Variants in KLK11 observed in about 807,000 individuals in gnomAD.
KLK11 encodes kallikrein-11.
In KLK11, 10 loss-of-function variants were observed where a neutral mutation model predicts 23.4. The observed-to-expected ratio is 0.43, with a 90% CI of 0.26 to 0.73. KLK11 has a LOEUF of 0.73. KLK11 is among the 30% of genes least tolerant of loss of function. The pLI is 0.22. For synonymous variants in KLK11, 131 were observed against 131.7 expected, an observed-to-expected ratio of 0.99 and a Z score of 0.03; for missense variants, 285 against 327.8, an observed-to-expected ratio of 0.87 and a Z score of 1.01.
In KLK11 at chr19:51,024,448, C is replaced by G. The variant is rs1220059981; in HGVS notation, c.198-138G>C. The G allele has an allele frequency of 7.1e-7, 1 of 1,406,558 alleles. No individual in the cohort carries two copies. The allele number at this position is 1,406,558 out of a possible 1,614,324, so 87.1% of individuals were successfully genotyped here. On this transcript the variant is annotated intron_variant, in intron 3 of 5. Coordinates refer to ENST00000453757, the MANE Select transcript of KLK11 (RefSeq NM_001136032.3). This position sits in a 1 kb window ranked among gnomAD's most constrained non-coding sequence, Gnocchi z 6.2. ...CACGTCTCCCACCGAAGCCCCCTTC[C>G]CAGCCATAGCCCCATCCCAACCCCA...
Position 51,025,174 on chromosome 19 carries a change from CT to C in KLK11, c.41-381del, listed in dbSNP as rs2122550830. Reference sequence around the variant, plus strand: ...CCAGCTACCGGGGAAGCTGAGATGGCTTAAGGATCACTTAAGCCCGGGAAGT... The same window carrying C: ...CCAGCTACCGGGGAAGCTGAGATGGCTAAGGATCACTTAAGCCCGGGAAGT... On this transcript the variant is annotated intron_variant, in intron 2 of 5. Transcript: ENST00000453757. This position sits in a 1 kb window ranked among gnomAD's most constrained non-coding sequence, Gnocchi z 6.2. Among the ~76,000 whole-genome samples, 1 of 152,010 alleles carries C rather than the reference CT, an allele frequency of 6.6e-6. No homozygotes were observed. The highest frequency in any genetic ancestry group is 2.1e-4 in the South Asian group (1 of 4,814).
upstream of KLK11, chr19:51,027,349 G>T: frequency 2.7e-6 from 3 of 1,127,806 alleles, no homozygotes; most frequent in South Asian, 1.3e-5. Flanking sequence ...CAGAGCCCTT[G>T]GCTGTGCTCC....
In KLK11 at chr19:51,022,690, G is replaced by T; in HGVS notation, c.608C>A (p.Ser203Tyr). 1 of 1,612,952 alleles carries T rather than the reference G, an allele frequency of 6.2e-7. No homozygotes were observed. The highest frequency in any genetic ancestry group is 8.5e-7 in the Non-Finnish European group (1 of 1,180,034). Residue 203 changes from serine to tyrosine, a missense_variant, in exon 6 of 6, where the codon TCC becomes TAC. Coordinates refer to ENST00000453757, the MANE Select transcript of KLK11 (RefSeq NM_001136032.3). ...EGGKDSCQGD[S>Y]GGPLVCNQSL... ...CTGGTTACAGACCAGAGGGCCCCCG[G>T]AGTCACCCTGGGCACGGGGAGAGAG...
At position 51,022,572 on chromosome 19, in the gene KLK11, C is replaced by A. The variant is rs1357070500; in HGVS notation, c.726G>T (p.Trp242Cys). 1 of 1,614,128 alleles carries A rather than the reference C, an allele frequency of 6.2e-7. No individual in the cohort carries two copies. The highest frequency in any genetic ancestry group is 1.1e-5 in the South Asian group (1 of 91,068). ...VYTKVCKYVD[W>C]IQETMKNN ...AATTGTTCTTCATCGTCTCCTGGAT[C>A]CAGTCCACATATTTGCAGACTTTCG... Residue 242 changes from tryptophan to cysteine, a missense_variant, in exon 6 of 6, where the codon TGG becomes TGT. Physicochemically the swap from Trp to Cys is radical, Grantham distance 215. Transcript: ENST00000453757.
At position 51,024,094 on chromosome 19, in the gene KLK11, A is replaced by G; in HGVS notation, c.414T>C (p.Ala138=). ...PLTLSSRCVT[A]GTSCLISGWG... ...AGCCGGAAATGAGGCAGCTGGTGCC[A>G]GCAGTGACACAGCGTGAGGAGAGGG... is the stretch of plus-strand genomic sequence containing the variant. The change falls in exon 4 of 6, where the codon GCT becomes GCC. Residue 138 remains alanine (A), a synonymous_variant. Coordinates refer to ENST00000453757, the MANE Select transcript of KLK11 (RefSeq NM_001136032.3). This position sits in a 1 kb window ranked among gnomAD's most constrained non-coding sequence, Gnocchi z 6.2. The G allele has an allele frequency of 1.3e-6, 2 of 1,572,844 alleles. No homozygotes were observed. The highest frequency in any genetic ancestry group is 1.7e-6 in the Non-Finnish European group (2 of 1,154,026).
chr19:51,022,383 G>A lies in KLK11; in HGVS notation c.*162C>T, dbSNP rs1344714734. The A allele has an allele frequency of 6.5e-6, 5 of 771,758 alleles. No individual in the cohort carries two copies. Among genetic ancestry groups the A allele is most frequent in the South Asian group, 5.0e-5 (3 of 59,506 alleles). The allele number at this position is 771,758 out of a possible 1,614,324, so 47.8% of individuals were successfully genotyped here. A position where few individuals can be genotyped will look rare whatever the true frequency, so the allele number is the denominator to read the frequency against. On this transcript the variant is annotated 3_prime_UTR_variant, in exon 6 of 6. Transcript: ENST00000453757. The stretch of plus-strand genomic sequence containing the variant: ...TTTGAATCCAGGTCTCACTGATTTC[G>A]AACCCCAGGTTGATTATTAAGTGAC...
At position 51,024,709 on chromosome 19, in the gene KLK11, C is replaced by G; in HGVS notation, c.126G>C (p.Lys42Asn). 1.2e-6 allele frequency: 2 copies of G among 1,601,882 alleles called. No individual in the cohort carries two copies. Among genetic ancestry groups the G allele is most frequent in the Non-Finnish European group, 1.7e-6 (2 of 1,176,308 alleles). Residue 42 changes from lysine to asparagine, a missense_variant, in exon 3 of 6, where the codon AAG (lysine) becomes AAC (asparagine). Physicochemically the swap from Lys to Asn is moderately conservative, Grantham distance 94. Transcript: ENST00000453757. This position sits in a 1 kb window ranked among gnomAD's most constrained non-coding sequence, Gnocchi z 6.2. ...GCGTCGCCCCACAGAGTAGCCGCGT[C>G]TTCTCGAACAGGGCTGCCTGCCAGG... Reference protein sequence around the residue: ...SQPWQAALFEKTRLLCGATLI... With the variant: ...SQPWQAALFENTRLLCGATLI...
In KLK11 at chr19:51,026,556, T is replaced by G. The variant is rs889566482; in HGVS notation, c.-54A>C. 4 of 986,566 alleles carry G rather than the reference T, an allele frequency of 4.1e-6. No homozygotes were observed. In the East Asian group the frequency reaches 4.5e-4, roughly 112 times the overall value. The allele number at this position is 986,566 out of a possible 1,614,324, so 61.1% of individuals were successfully genotyped here. ...GACTCACAGGCTCTGGGGCTGGGGC[T>G]CTGGGGGCCCAGTGGCGGCGGAGAC... On this transcript the variant is annotated 5_prime_UTR_variant, in exon 1 of 6. Transcript: ENST00000453757.
Position 51,024,280 on chromosome 19 carries a change from G to T in KLK11, c.228C>A (p.Asn76Lys). Residue 76 changes from asparagine to lysine, a missense_variant, in exon 4 of 6, where the codon AAC becomes AAA. By Grantham distance (94) the Asn-to-Lys change is moderately conservative. Transcript: ENST00000453757. This position sits in a 1 kb window ranked among gnomAD's most constrained non-coding sequence, Gnocchi z 6.2. ...PRYIVHLGQH[N>K]LQKEEGCEQT... ...GCTCACAGCCCTCCTCCTTCTGGAG[G>T]TTGTGCTGCCCCAGGTGAACTATGT... 6.2e-7 allele frequency: 1 copy of T among 1,614,088 alleles called. No homozygotes were observed. Among genetic ancestry groups the T allele is most frequent in the Non-Finnish European group, 8.5e-7 (1 of 1,180,008 alleles).
At position 51,024,747 on chromosome 19, in the gene KLK11, G is replaced by T. The variant is rs370372424; in HGVS notation, c.88C>A (p.Pro30Thr). The T allele has an allele frequency of 2.8e-5, 45 of 1,603,136 alleles. No individual in the cohort carries two copies. Among genetic ancestry groups the T allele is most frequent in the Non-Finnish European group, 3.4e-5 (40 of 1,176,644 alleles). ...TRIIKGFECK[P>T]HSQPWQAALF... Reference sequence around the variant, plus strand: ...GCTGCCTGCCAGGGCTGGGAGTGAGGCTTGCACTCGAACCCCTTGATGATC... The same window carrying T: ...GCTGCCTGCCAGGGCTGGGAGTGAGTCTTGCACTCGAACCCCTTGATGATC... The change falls in exon 3 of 6, where the codon CCT becomes ACT. Residue 30 changes from proline to threonine, a missense_variant. Transcript: ENST00000453757. The surrounding 1 kb of genome is among the most constrained non-coding windows in gnomAD (Gnocchi z 6.2).
Position 51,025,583 on chromosome 19 carries a change from C to A in KLK11, c.40+9G>T, listed in dbSNP as rs202231533. On this transcript the variant is annotated intron_variant, in intron 2 of 5. Coordinates refer to ENST00000453757, the MANE Select transcript of KLK11 (RefSeq NM_001136032.3). This position sits in a 1 kb window ranked among gnomAD's most constrained non-coding sequence, Gnocchi z 6.2. ...GGAGGATCCTGCCCTGCCCCCATCC[C>A]CTGCGTACCTGTTGCCAGAGCAAGC... The A allele has an allele frequency of 1.1e-4, 169 of 1,561,596 alleles. 3 individuals are homozygous for A. The East Asian group carries it at 3.7e-3, about 34-fold the overall frequency.
At position 51,024,264 on chromosome 19, in the gene KLK11, C is replaced by T. The variant is rs1384241014; in HGVS notation, c.244G>A (p.Gly82Ser). The T allele has an allele frequency of 6.2e-7, 1 of 1,614,076 alleles. No homozygotes were observed. Among genetic ancestry groups the T allele is most frequent in the Non-Finnish European group, 8.5e-7 (1 of 1,179,994 alleles). ...LGQHNLQKEE[G>S]CEQTRTATES... ...GTGGCTGTCCGGGTCTGCTCACAGC[C>T]CTCCTCCTTCTGGAGGTTGTGCTGC... Residue 82 changes from glycine to serine, a missense_variant, in exon 4 of 6, where the codon GGC (glycine) becomes AGC (serine). By Grantham distance (56) the Gly-to-Ser change is moderately conservative. Transcript: ENST00000453757. The surrounding 1 kb of genome is among the most constrained non-coding windows in gnomAD (Gnocchi z 6.2).
chr19:51,022,767 G>A (rs2091420643), intron 5 of KLK11, 70 bp from the exon 6 acceptor site: 1 of 1,569,366 alleles, frequency 6.4e-7, no homozygotes, highest in East Asian at 2.2e-5. Flanking sequence ...GAGGAGGTGG[G>A]GACGGTGCTT....
chr19:51,025,896 C>T lies in KLK11; in HGVS notation c.-35-230G>A, dbSNP rs916812312. ...GGGCCTGGTCACAGCTAGAAGCTTCCGAGATACCAAGAACCATGTGGAAGT... is the reference window on the plus strand; with the variant it reads ...GGGCCTGGTCACAGCTAGAAGCTTCTGAGATACCAAGAACCATGTGGAAGT... On this transcript the variant is annotated intron_variant, in intron 1 of 5. Coordinates refer to ENST00000453757, the MANE Select transcript of KLK11 (RefSeq NM_001136032.3). The surrounding 1 kb of genome is among the most constrained non-coding windows in gnomAD (Gnocchi z 6.2). 2.3e-4 allele frequency: 85 copies of T among 376,816 alleles called. No individual in the cohort carries two copies. Among genetic ancestry groups the T allele is most frequent in the Middle Eastern group, 2.1e-3 (3 of 1,454 alleles). 23.3% of individuals were successfully genotyped at this position (376,816 alleles called of 1,614,324 possible).
chr19:51,027,561 G>C (rs1186247811), upstream of KLK11: 1 of 1,612,144 alleles, frequency 6.2e-7, no homozygotes, highest in Non-Finnish European at 8.5e-7. Context: ...CAGCTTGTTT[G>C]TTTTCAGTTA....
intron 4 of KLK11, 36 bp from the exon 5 acceptor site, chr19:51,023,264 C>T (rs781620258): frequency 1.2e-6 from 2 of 1,602,554 alleles, no homozygotes; most frequent in Non-Finnish European, 1.7e-6. Context: ...GGGAATGAGC[C>T]CCCTGCCACC....
Position 51,025,542 on chromosome 19 carries a change from C to T in KLK11, c.40+50G>A. On this transcript the variant is annotated intron_variant, in intron 2 of 5. Transcript: ENST00000453757. The surrounding 1 kb of genome is among the most constrained non-coding windows in gnomAD (Gnocchi z 6.2). Reference sequence around the variant, plus strand: ...GTCCAGACACAGAGGGTTAGGGGATCCCAGAGATTCAAGAGGGAGGATCCT... The same window carrying T: ...GTCCAGACACAGAGGGTTAGGGGATTCCAGAGATTCAAGAGGGAGGATCCT... 3.1e-6 allele frequency: 4 copies of T among 1,281,650 alleles called. No homozygotes were observed. Among genetic ancestry groups the T allele is most frequent in the Non-Finnish European group, 4.3e-6 (4 of 924,684 alleles). 79.4% of individuals were successfully genotyped at this position (1,281,650 alleles called of 1,614,324 possible). A position where few individuals can be genotyped will look rare whatever the true frequency, so the allele number is the denominator to read the frequency against.
At position 51,024,484 on chromosome 19, in the gene KLK11, C is replaced by T. The variant is rs531224039; in HGVS notation, c.197+154G>A. 3.9e-6 allele frequency: 5 copies of T among 1,267,858 alleles called. No individual in the cohort carries two copies. The highest frequency in any genetic ancestry group is 1.5e-5 in the South Asian group (1 of 66,154). 78.5% of individuals were successfully genotyped at this position (1,267,858 alleles called of 1,614,324 possible). On this transcript the variant is annotated intron_variant, in intron 3 of 5. Coordinates refer to ENST00000453757, the MANE Select transcript of KLK11 (RefSeq NM_001136032.3). This position sits in a 1 kb window ranked among gnomAD's most constrained non-coding sequence, Gnocchi z 6.2. ...CCCATCCCAACCCCATTCATCCCCC[C>T]ACCTTCAATACCAACTCGAGCCCAT...
chr19:51,022,639 C>T lies in KLK11; in HGVS notation c.659G>A (p.Gly220Asp). The T allele has an allele frequency of 6.2e-7, 1 of 1,613,684 alleles. No homozygotes were observed. Among genetic ancestry groups the T allele is most frequent in the Non-Finnish European group, 8.5e-7 (1 of 1,180,008 alleles). The change falls in exon 6 of 6, where the codon GGC (glycine) becomes GAC (aspartate). Residue 220 changes from glycine (G) to aspartate (D), a missense_variant. Transcript: ENST00000453757. The stretch of plus-strand genomic sequence containing the variant: ...TCGGGTGATCGCACACGGATCCTGG[C>T]CCCAGGAGATAATGCCTTGAAGAGA... ...NQSLQGIISW[G>D]QDPCAITRKP...
Sources: allele counts gnomAD v4.1 joint callset (sites outside exome capture counted in the v4.1 genomes callset), GRCh38; gene constraint gnomAD v4.1.1; non-coding constraint Gnocchi (gnomAD v3.1); transcripts MANE v1.5; gene names NCBI Gene and HGNC (gene_info 2026-07-23, HGNC 2026-07-21).